ZFHX4: variants seen among roughly 807,000 people sequenced by gnomAD.
ZFHX4 encodes the protein zinc finger homeobox 4.
A neutral mutation model predicts 267.6 loss-of-function variants in ZFHX4; 56 were observed. The observed-to-expected ratio is 0.21, with a 90% CI of 0.17 to 0.26. ZFHX4 has a LOEUF of 0.26. Among genes scored for constraint, ZFHX4 ranks in the 10% least tolerant of loss-of-function variants. The pLI is 1.00. For synonymous variants in ZFHX4, 1,778 were observed against 1,665.6 expected (o/e 1.07, Z -1.64); for missense variants, 4,332 against 4,420.0 (o/e 0.98, Z 0.56).
intron 3 of ZFHX4, among the ~76,000 whole-genome samples, chr8:76,750,194 T>C (rs1205974069): frequency 2.0e-5 from 3 of 152,126 alleles, no homozygotes; most frequent in Non-Finnish European, 2.9e-5. Flanking sequence ...AAGCTTTCCC[T>C]GAGGATGTCT....
At chr8:76,713,191 T>C (rs1297242044) in intron 3 of ZFHX4, among the ~76,000 whole-genome samples, 1 of 152,070 alleles carries the variant, frequency 6.6e-6, no homozygotes, top group Non-Finnish European at 1.5e-5. Flanking sequence ...AAGTAATATA[T>C]TACATTGTGA....
intron 4 of ZFHX4, among the ~76,000 whole-genome samples, chr8:76,786,843 G>T (rs1362080560): frequency 6.6e-6 from 1 of 152,106 alleles, no homozygotes; most frequent in Non-Finnish European, 1.5e-5. Context: ...CACTTTTGAG[G>T]TTCGGAGGTT....
intron 1 of ZFHX4, chr8:76,682,599 C>G (rs56678897): frequency 0.02 from 3,105 of 152,418 alleles, 113 homozygotes; most frequent in African/African-American, 0.071. Context: ...GCCGGGTGTG[C>G]GTTAGACCAG....
intron 3 of ZFHX4, among the ~76,000 whole-genome samples, chr8:76,762,401 C>T (rs1809938253): frequency 6.6e-6 from 1 of 152,134 alleles, no homozygotes; most frequent in Admixed American, 6.5e-5. Flanking sequence ...TTCATATTGA[C>T]TTTTAGTGAA....
chr8:76,707,962 G>T lies in ZFHX4; in HGVS notation c.3007G>T (p.Ala1003Ser). The change falls in exon 3 of 11, where the codon GCC becomes TCC. Residue 1003 changes from alanine (A) to serine (S), a missense_variant. This residue lies in a region of ZFHX4 where 1,371 missense variants were observed against 1,423.1 expected (regional missense o/e 0.96). Transcript: ENST00000651372. ...CAACCCTGTTCACCTAAAATGTAACGCCTGTGACTATTACACCAACAGTGT... is the reference window on the plus strand; with the variant it reads ...CAACCCTGTTCACCTAAAATGTAACTCCTGTGACTATTACACCAACAGTGT... ...IGNPVHLKCN[A>S]CDYYTNSVDK... 6.2e-7 allele frequency: 1 copy of T among 1,613,956 alleles called. No individual in the cohort carries two copies. The highest frequency in any genetic ancestry group is 8.5e-7 in the Non-Finnish European group (1 of 1,179,920).
chr8:76,799,050 A>G (rs1238208129), intron 4 of ZFHX4, among the ~76,000 whole-genome samples: 1 of 152,192 alleles, frequency 6.6e-6, no homozygotes, highest in East Asian at 1.9e-4. Flanking sequence ...CTTCTTATGT[A>G]TTGATGTCCC....
chr8:76,825,107 C>T (rs1467871687), intron 4 of ZFHX4, among the ~76,000 whole-genome samples: 1 of 152,130 alleles, frequency 6.6e-6, no homozygotes, highest in African/African-American at 2.4e-5. Flanking sequence ...GAGTACATTA[C>T]TTATAAATAC....
chr8:76,757,533 G>C (rs1341288782), intron 3 of ZFHX4, among the ~76,000 whole-genome samples: 1 of 152,142 alleles, frequency 6.6e-6, no homozygotes, highest in Non-Finnish European at 1.5e-5. Context: ...TAAACTCCAG[G>C]GCTCTTTGAC....
intron 3 of ZFHX4, among the ~76,000 whole-genome samples, chr8:76,734,805 A>T (rs1809114808): frequency 6.6e-6 from 1 of 152,164 alleles, no homozygotes; most frequent in Non-Finnish European, 1.5e-5. Flanking sequence ...GTAGTCTTTG[A>T]AATATATTCA....
chr8:76,801,707 G>T (rs866836377), intron 4 of ZFHX4, among the ~76,000 whole-genome samples: 1 of 152,176 alleles, frequency 6.6e-6, no homozygotes, highest in Non-Finnish European at 1.5e-5. Context: ...TGTGCGGTTA[G>T]GAGTGTGCTC....
intron 3 of ZFHX4, among the ~76,000 whole-genome samples, chr8:76,753,266 A>G (rs947182721): frequency 2.6e-5 from 4 of 152,216 alleles, no homozygotes; most frequent in South Asian, 2.1e-4. Flanking sequence ...TATATCCCCT[A>G]CCTATATGGA....
At position 76,867,115 on chromosome 8, in the gene ZFHX4, TACGGTAAATAACA is replaced by T. The variant is rs1357417470; in HGVS notation, c.*2551_*2563del. ...GTTTGAAGTCTCAAATGCACCGTAT[TACGGTAAATAACA>T]TGGTTTTGAAAACTTTTTTTTATTT... On this transcript the variant is annotated 3_prime_UTR_variant, in exon 11 of 11. Transcript: ENST00000651372. 4.6e-5 allele frequency: 7 copies of T among 152,776 alleles called. No homozygotes were observed. Among genetic ancestry groups the T allele is most frequent in the Admixed American group, 1.3e-4 (2 of 15,288 alleles). 9.5% of individuals were successfully genotyped at this position (152,776 alleles called of 1,614,324 possible).
At chr8:76,738,623 CTTCT>C (rs778583288) in intron 3 of ZFHX4, among the ~76,000 whole-genome samples, 17,396 of 131,934 alleles carry the variant, frequency 0.13, 1,660 homozygotes, top group African/African-American at 0.15. Context: ...TCCTTCCTTC[CTTCT>C]TTCCTTCCTT....
chr8:76,854,793 C>A lies in ZFHX4; in HGVS notation c.7872C>A (p.Tyr2624Ter). Reference sequence around the variant, plus strand: ...AGCTGGAAATACTCTATGAAAAATACTTGCTGGATTCCAATCCTACCAGAA... The same window carrying A: ...AGCTGGAAATACTCTATGAAAAATAATTGCTGGATTCCAATCCTACCAGAA... The part of the protein sequence containing the change: ...PEQLEILYEK[Y>*]LLDSNPTRKM... The change falls in exon 10 of 11, where the codon TAC (tyrosine) becomes TAA (stop). Residue 2624 changes from tyrosine (Y) to a stop codon, truncating the protein, a stop_gained. Transcript: ENST00000651372. LOFTEE classifies it high-confidence loss of function. 1 of 1,610,858 alleles carries A rather than the reference C, an allele frequency of 6.2e-7. No individual in the cohort carries two copies. Among genetic ancestry groups the A allele is most frequent in the Non-Finnish European group, 8.5e-7 (1 of 1,178,778 alleles).
intron 1 of ZFHX4, among the ~76,000 whole-genome samples, chr8:76,687,448 G>T (rs972934569): frequency 1.3e-5 from 2 of 152,186 alleles, no homozygotes; most frequent in African/African-American, 4.8e-5. Flanking sequence ...AGTCTCCCAA[G>T]ACGGGATAGT....
At position 76,705,381 on chromosome 8, in the gene ZFHX4, G is replaced by A. The variant is rs369327944; in HGVS notation, c.1293G>A (p.Glu431=). The change falls in exon 2 of 11, where the codon GAG becomes GAA. Residue 431 remains glutamate, a synonymous_variant. Coordinates refer to ENST00000651372, the MANE Select transcript of ZFHX4 (RefSeq NM_024721.5). ...TSVSLSHSSS[E]SSKMSESKDQ... is the part of the protein sequence containing the mutation. The stretch of plus-strand genomic sequence containing the variant: ...TCTCCCTCAGCCACTCATCGTCTGA[G>A]TCTAGCAAGATGTCAGAGAGCAAAG... The A allele has an allele frequency of 9.8e-5, 158 of 1,613,810 alleles. No individual in the cohort carries two copies. The highest frequency in any genetic ancestry group is 1.3e-4 in the Non-Finnish European group (151 of 1,179,906).
In ZFHX4 at chr8:76,704,892, T is replaced by G. The variant is rs1444997380; in HGVS notation, c.804T>G (p.Cys268Trp). 1 of 1,614,174 alleles carries G rather than the reference T, an allele frequency of 6.2e-7. No individual in the cohort carries two copies. Among genetic ancestry groups the G allele is most frequent in the Admixed American group, 1.7e-5 (1 of 60,026 alleles). The change falls in exon 2 of 11, where the codon TGT (cysteine) becomes TGG (tryptophan). Residue 268 changes from cysteine (C) to tryptophan (W), a missense_variant. Cys to Trp is a radical substitution (Grantham distance 215). Around this residue, in one of 7 missense-constraint regions of ZFHX4, gnomAD observed 1,195 missense variants for 1,173.6 expected, o/e 1.02. Coordinates refer to ENST00000651372, the MANE Select transcript of ZFHX4 (RefSeq NM_024721.5). The stretch of plus-strand genomic sequence containing the variant: ...TGGACTTGTCCAAATTCGATGGTTG[T>G]GTTAGCGATGGGAAAAGGAAACCTG... ...NNVDLSKFDGCVSDGKRKPVL... is the reference protein window; with the variant it reads ...NNVDLSKFDGWVSDGKRKPVL...
intron 4 of ZFHX4, among the ~76,000 whole-genome samples, chr8:76,790,393 A>T (rs755128038): frequency 4.6e-5 from 7 of 152,142 alleles, no homozygotes; most frequent in Admixed American, 6.6e-5. Flanking sequence ...TTTTTATTCA[A>T]CATGACTCTT....
intron 4 of ZFHX4, among the ~76,000 whole-genome samples, chr8:76,787,112 CAACA>C (rs1012007628): frequency 1.8e-4 from 28 of 152,182 alleles, no homozygotes; most frequent in African/African-American, 5.5e-4. Flanking sequence ...ATCAACAAAA[CAACA>C]AACAATTTTA....
Sources: gnomAD v4.1 joint callset for allele counts (sites outside exome capture counted in the v4.1 genomes callset) on GRCh38, gnomAD v4.1.1 for gene constraint, gnomAD v4.1.1 regional missense constraint, MANE v1.5 for transcripts, NCBI Gene and HGNC (gene_info 2026-07-23, HGNC 2026-07-21) for gene names.